The following POLA1 variants were observed in gnomAD, a reference collection of about 807,000 sequenced individuals.
The protein encoded by POLA1 is DNA polymerase alpha catalytic subunit.
Under a neutral mutation model 124.0 loss-of-function variants are expected in POLA1, and 15 were observed. The observed-to-expected ratio is 0.12, with a 90% confidence interval of 0.08 to 0.19. POLA1 has a LOEUF of 0.19. POLA1 is among the 10% of genes least tolerant of loss of function. The pLI is 1.00. For missense variants in POLA1, 886 were observed against 1,103.4 expected, an observed-to-expected ratio of 0.80 and a Z score of 2.79; for synonymous variants, 408 against 389.4, an observed-to-expected ratio of 1.05 and a Z score of -0.56.
rs11573423 is a variant in POLA1 at position 24,826,582 on chromosome X, C to A, written c.3717C>A (p.Val1239=). The part of the protein sequence containing the change: ...ICEPIDGIDA[V]LIATWLGLDP... Reference sequence around the variant, plus strand: ...AACCAATAGACGGAATTGATGCTGTCCTCATTGCAACGTGGTTGGGTAAGT... The same window carrying A: ...AACCAATAGACGGAATTGATGCTGTACTCATTGCAACGTGGTTGGGTAAGT... The change falls in exon 32 of 37, where the codon GTC becomes GTA. Residue 1239 remains valine, a synonymous_variant. Coordinates refer to ENST00000379068, the MANE Select transcript of POLA1 (RefSeq NM_001330360.2). The A allele has an allele frequency of 0.069, 82,248 of 1,198,006 alleles. 2,214 individuals carry two copies. Among genetic ancestry groups the A allele is most frequent in the Non-Finnish European group, 0.079 (70,495 of 888,290 alleles).
At chrX:24,901,580 A>G (rs766997888) in intron 35 of POLA1, among the ~76,000 whole-genome samples, 1 of 111,657 alleles carries the variant, frequency 9.0e-6, no homozygotes, top group South Asian at 3.8e-4. Context: ...TCCATGTGGA[A>G]GAGTGCAGTA....
At chrX:24,949,995 G>A (rs780701664) in intron 36 of POLA1, among the ~76,000 whole-genome samples, 1 of 111,407 alleles carries the variant, frequency 9.0e-6, no homozygotes, top group African/African-American at 3.3e-5. Context: ...GCCTCCCAAA[G>A]TGCTGGGATT....
intron 26 of POLA1, among the ~76,000 whole-genome samples, chrX:24,755,205 G>A (rs1294416380): frequency 8.9e-6 from 1 of 112,327 alleles, no homozygotes; most frequent in South Asian, 3.7e-4. Flanking sequence ...AACTCCCTCA[G>A]TCACAGTGTC....
chrX:24,909,576 T>G (rs1419160704), intron 35 of POLA1, among the ~76,000 whole-genome samples: 6 of 110,658 alleles, frequency 5.4e-5, no homozygotes, highest in Non-Finnish European at 9.5e-5. Context: ...GAGGGCTCTG[T>G]TCTGTTCCAT....
chrX:24,967,638 G>A (rs1031007348), intron 36 of POLA1, among the ~76,000 whole-genome samples: 2 of 110,485 alleles, frequency 1.8e-5, no homozygotes, highest in African/African-American at 6.6e-5. Context: ...TCCAGCCTGG[G>A]GGACAAAGTG....
At chrX:24,811,184 G>A (rs902173332) in intron 28 of POLA1, among the ~76,000 whole-genome samples, 2 of 110,248 alleles carry the variant, frequency 1.8e-5, no homozygotes, top group African/African-American at 6.6e-5. Flanking sequence ...GGGTTCAAGC[G>A]ATCCTCCCAC....
At chrX:24,964,840 G>A (rs1479972422) in intron 36 of POLA1, among the ~76,000 whole-genome samples, 1 of 112,049 alleles carries the variant, frequency 8.9e-6, no homozygotes, top group African/African-American at 3.2e-5. Context: ...ATTTACTCCT[G>A]ATGCTAATTC....
At position 24,749,042 on chromosome X, in the gene POLA1, C is replaced by T. The variant is rs376316346; in HGVS notation, c.2964+50C>T. On this transcript the variant is annotated intron_variant, in intron 26 of 36. Coordinates refer to ENST00000379068, the MANE Select transcript of POLA1 (RefSeq NM_001330360.2). The stretch of plus-strand genomic sequence containing the variant: ...TCTCTAGATATGAGAGTATTTTTAA[C>T]TATACATGTTATAGTGTGGGAGAGT... 6 of 1,022,440 alleles carry T rather than the reference C, an allele frequency of 5.9e-6. No individual in the cohort carries two copies. In the African/African-American group the frequency reaches 1.1e-4, roughly 19 times the overall value. The allele number at this position is 1,022,440 out of a possible 1,213,427, so 84.3% of individuals were successfully genotyped here.
At chrX:24,868,743 A>G (rs891694579) in intron 34 of POLA1, among the ~76,000 whole-genome samples, 3 of 112,131 alleles carry the variant, frequency 2.7e-5, no homozygotes, top group African/African-American at 9.7e-5. Flanking sequence ...GTGAAGGGAC[A>G]TAGAGAAGAT....
At chrX:24,976,947 T>G (rs1432128931) in intron 36 of POLA1, among the ~76,000 whole-genome samples, 1 of 112,369 alleles carries the variant, frequency 8.9e-6, no homozygotes, top group East Asian at 2.8e-4. Flanking sequence ...GCAGACTGAT[T>G]GATTGATACC....
At chrX:24,914,222 T>C (rs2047496128) in intron 35 of POLA1, among the ~76,000 whole-genome samples, 1 of 110,622 alleles carries the variant, frequency 9.0e-6, no homozygotes, top group African/African-American at 3.3e-5. Flanking sequence ...ACCAGTCAGT[T>C]TTACTATGCA....
At chrX:24,694,123 C>G in intron 1 of POLA1, 119 bp downstream of exon 1, 4 of 713,477 alleles carry the variant, frequency 5.6e-6, no homozygotes, top group Non-Finnish European at 4.0e-6. Flanking sequence ...TGGTCGTCCC[C>G]GGCGGGGGCC....
chrX:24,995,529 A>G (rs1203523383), intron 36 of POLA1, among the ~76,000 whole-genome samples: 1 of 112,059 alleles, frequency 8.9e-6, no homozygotes, highest in Non-Finnish European at 1.9e-5. Flanking sequence ...TCTGCTGCAC[A>G]TGAGGGTGCA....
chrX:24,739,257 G>C, intron 19 of POLA1, 118 bp from the exon 20 acceptor site: 3 of 495,577 alleles, frequency 6.1e-6, no homozygotes, highest in South Asian at 3.4e-5. Context: ...ATATTTGATT[G>C]ATGTATGGAA....
chrX:24,902,849 A>G (rs779631624), intron 35 of POLA1, among the ~76,000 whole-genome samples: 1 of 112,633 alleles, frequency 8.9e-6, no homozygotes, highest in East Asian at 2.8e-4. Flanking sequence ...AAACAATGAC[A>G]TAGTTTTACA....
intron 36 of POLA1, among the ~76,000 whole-genome samples, chrX:24,947,243 ATTCTTTTTTTTTTTTT>A (rs2147239135): frequency 3.1e-5 from 1 of 32,416 alleles, no homozygotes; most frequent in Non-Finnish European, 6.2e-5. Context: ...TTCCCTGCAG[ATTCTTTTTTTTTTTTT>A]TTTTTTTTTT....
intron 36 of POLA1, among the ~76,000 whole-genome samples, chrX:24,968,495 T>C (rs6653710): frequency 2.2e-3 from 242 of 110,110 alleles, no homozygotes; most frequent in South Asian, 0.011. Context: ...GTCAGGAGAT[T>C]GAGACCATCC....
intron 34 of POLA1, among the ~76,000 whole-genome samples, chrX:24,886,728 A>G (rs994712496): frequency 1.8e-5 from 2 of 112,228 alleles, no homozygotes; most frequent in African/African-American, 6.5e-5. Context: ...TAAGGGGAAA[A>G]GACCAACAAG....
At position 24,797,218 on chromosome X, in the gene POLA1, C is replaced by A. The variant is rs187531983; in HGVS notation, c.2965-12680C>A. Among the ~76,000 whole-genome samples the A allele has an allele frequency of 6.3e-5, 7 of 111,096 alleles. No homozygotes were observed. The East Asian group carries it at 2.0e-3, about 31-fold the overall frequency. On this transcript the variant is annotated intron_variant, in intron 26 of 36. Transcript: ENST00000379068. ...GCCCTTCACATTTGGGCCTCTCTCC[C>A]ACCCTCTCTCCATTTCCCCTGAACA...
Sources: gnomAD v4.1 joint callset for allele counts (sites outside exome capture counted in the v4.1 genomes callset) on GRCh38, gnomAD v4.1.1 for gene constraint, MANE v1.5 for transcripts, NCBI Gene and HGNC (gene_info 2026-07-23, HGNC 2026-07-21) for gene names.